Variants in SLC6A4 observed in about 807,000 individuals in gnomAD.
SLC6A4 encodes sodium-dependent serotonin transporter.
A neutral mutation model predicts 73.4 loss-of-function variants in SLC6A4; 22 were observed. That is an observed-to-expected ratio of 0.30 (90% CI 0.21 to 0.43). SLC6A4 has a LOEUF of 0.43. Ranked by LOEUF, SLC6A4 falls within the 20% of genes least tolerant of loss-of-function variation. The pLI, the probability that SLC6A4 is intolerant of heterozygous loss-of-function variation, is 1.00. For missense variants in SLC6A4, 593 were observed against 808.5 expected (o/e 0.73, Z 3.23); for synonymous variants, 270 against 315.5 (o/e 0.86, Z 1.53).
intron 14 of SLC6A4, among the ~76,000 whole-genome samples, chr17:30,201,915 C>T (rs183051373): frequency 1.0e-3 from 157 of 152,158 alleles, no homozygotes; most frequent in Non-Finnish European, 2.0e-3. Context: ...CCAGCCTGGG[C>T]AACATAGTGA....
In SLC6A4 at chr17:30,203,229, A is replaced by C; in HGVS notation, c.1761T>G (p.Ile587Met). The stretch of plus-strand genomic sequence containing the variant: ...GATAAGCTATATATGTGGGGATGCA[A>C]ATGAAAGATGAGGTTCCTATGCAGT... ...LGYCIGTSSF[I>M]CIPTYIAYRL... Residue 587 changes from isoleucine to methionine, a missense_variant, in exon 14 of 15, where the codon ATT (isoleucine) becomes ATG (methionine). By Grantham distance (10) the Ile-to-Met change is conservative. Coordinates refer to ENST00000650711, the MANE Select transcript of SLC6A4 (RefSeq NM_001045.6). The C allele has an allele frequency of 6.2e-7, 1 of 1,613,790 alleles. No homozygotes were observed. The highest frequency in any genetic ancestry group is 8.5e-7 in the Non-Finnish European group (1 of 1,179,684).
chr17:30,194,600 A>G lies in SLC6A4; in HGVS notation c.*3856T>C, dbSNP rs1905795259. 6.6e-6 allele frequency: 1 copy of G among 152,222 alleles called. No homozygotes were observed. Among genetic ancestry groups the G allele is most frequent in the African/African-American group, 2.4e-5 (1 of 41,470 alleles). The allele number at this position is 152,222 out of a possible 1,614,324, so 9.4% of individuals were successfully genotyped here. On this transcript the variant is annotated 3_prime_UTR_variant, in exon 15 of 15. Transcript: ENST00000650711. ...TTATCTTTTAAAATATGAATTTTTA[A>G]TATATCATTTTCTTAAGATAAAGTA...
At chr17:30,213,030 C>A (rs1408566457) in intron 8 of SLC6A4, among the ~76,000 whole-genome samples, 163 bp from the exon 9 acceptor site, 1 of 152,236 alleles carries the variant, frequency 6.6e-6, no homozygotes, top group Non-Finnish European at 1.5e-5. Context: ...CCTTCGCCTT[C>A]TCCCAGAACC....
At chr17:30,232,020 TGGTCCTTCCA>T (rs1028770929) in intron 1 of SLC6A4, among the ~76,000 whole-genome samples, 21 of 152,316 alleles carry the variant, frequency 1.4e-4, no homozygotes, top group African/African-American at 4.8e-4. Context: ...AACCCCTCCC[TGGTCCTTCCA>T]GGTCTCCCAC....
intron 8 of SLC6A4, among the ~76,000 whole-genome samples, chr17:30,213,302 C>CT (rs3034289): frequency 0.074 from 9,637 of 129,798 alleles, 462 homozygotes; most frequent in African/African-American, 0.1. Flanking sequence ...ATTTTTTTTT[C>CT]TTTTTTTTTT....
chr17:30,207,609 AG>A (rs1597634832), intron 13 of SLC6A4, 122 bp downstream of exon 13: 2 of 639,804 alleles, frequency 3.1e-6, no homozygotes, highest in East Asian at 5.8e-5. Context: ...CGCCTGCCTC[AG>A]ACTCCCAAAG....
At chr17:30,223,794 C>G (rs910347036) in intron 1 of SLC6A4, among the ~76,000 whole-genome samples, 1 of 152,000 alleles carries the variant, frequency 6.6e-6, no homozygotes, top group Non-Finnish European at 1.5e-5. Context: ...CTGACAAGAG[C>G]GGTCTCCATA....
At position 30,218,258 on chromosome 17, in the gene SLC6A4, G is replaced by A. The variant is rs200560535; in HGVS notation, c.558C>T (p.Tyr186=). ...YNTIMAWALY[Y]LISSFTDQLP... ...GCTGGTCCGTGAAGGAGGAGATGAG[G>A]TAGTATAGCGCCCAGGCCATGATGG... Residue 186 remains tyrosine, a synonymous_variant, in exon 5 of 15, where the codon TAC becomes TAT. Transcript: ENST00000650711. The A allele has an allele frequency of 1.8e-5, 29 of 1,614,118 alleles. No homozygotes were observed. The highest frequency in any genetic ancestry group is 2.5e-5 in the Non-Finnish European group (29 of 1,180,044).
At chr17:30,234,019 C>T (rs1763345526) in intron 1 of SLC6A4, among the ~76,000 whole-genome samples, 1 of 152,074 alleles carries the variant, frequency 6.6e-6, no homozygotes. Flanking sequence ...TAACCCCCCT[C>T]CAGCCAAGCA....
chr17:30,212,908 A>T, intron 8 of SLC6A4, 41 bp from the exon 9 acceptor site: 1 of 1,610,520 alleles, frequency 6.2e-7, no homozygotes, highest in South Asian at 1.1e-5. Flanking sequence ...GACAGTTCCA[A>T]GATCAGGGGT....
chr17:30,234,686 G>A (rs1422064943), intron 1 of SLC6A4, among the ~76,000 whole-genome samples: 4 of 152,110 alleles, frequency 2.6e-5, no homozygotes, highest in South Asian at 2.1e-4. Flanking sequence ...ATTTGCTCTC[G>A]TCTTCCTATG....
chr17:30,204,510 TC>T (rs2143013525), intron 13 of SLC6A4: 1 of 152,290 alleles, frequency 6.6e-6, no homozygotes, highest in African/African-American at 2.4e-5. Flanking sequence ...TTAGGAGCCA[TC>T]CCGGCTGCTT....
chr17:30,225,844 C>A (rs1457232846), intron 1 of SLC6A4, among the ~76,000 whole-genome samples: 2 of 152,206 alleles, frequency 1.3e-5, no homozygotes, highest in Non-Finnish European at 2.9e-5. Context: ...GAAGCTAATG[C>A]ACTCCATTCC....
intron 1 of SLC6A4, among the ~76,000 whole-genome samples, chr17:30,229,150 C>A (rs527951866): frequency 1.6e-4 from 25 of 152,308 alleles, no homozygotes; most frequent in African/African-American, 5.8e-4. Flanking sequence ...CAGTCATTTT[C>A]ATGGACTATG....
Position 30,211,109 on chromosome 17 carries a change from C to T in SLC6A4, c.1317+203G>A, listed in dbSNP as rs1430677956. Among the ~76,000 whole-genome samples the T allele has an allele frequency of 6.6e-6, 1 of 152,230 alleles. No homozygotes were observed. The highest frequency in any genetic ancestry group is 1.5e-5 in the Non-Finnish European group (1 of 68,044). ...CCTTGGGCCTCATAAGCGCCTGGCG[C>T]TTGACCCACTTTATCCCATTAATGA... is the stretch of plus-strand genomic sequence containing the variant. On this transcript the variant is annotated intron_variant, in intron 10 of 14. Coordinates refer to ENST00000650711, the MANE Select transcript of SLC6A4 (RefSeq NM_001045.6). This position sits in a 1 kb window ranked among gnomAD's most constrained non-coding sequence, Gnocchi z 4.0.
At chr17:30,215,049 T>G (rs1165058281) in intron 8 of SLC6A4, among the ~76,000 whole-genome samples, 1 of 151,198 alleles carries the variant, frequency 6.6e-6, no homozygotes, top group Admixed American at 6.6e-5. Context: ...CTTTCTTTAT[T>G]TCTCTCTCTC....
intron 1 of SLC6A4, among the ~76,000 whole-genome samples, chr17:30,225,958 C>T (rs1397999472): frequency 6.6e-6 from 1 of 152,188 alleles, no homozygotes; most frequent in Non-Finnish European, 1.5e-5. Flanking sequence ...CAGGAGCAAC[C>T]CGTACCTGAA....
intron 13 of SLC6A4, chr17:30,206,485 A>G (rs962405329): frequency 6.6e-6 from 1 of 152,112 alleles, no homozygotes; most frequent in Non-Finnish European, 1.5e-5. Context: ...GTCCTTTGGT[A>G]ATAAATGGAT....
intron 1 of SLC6A4, among the ~76,000 whole-genome samples, chr17:30,232,713 T>C (rs1907149520): frequency 6.6e-6 from 1 of 152,196 alleles, no homozygotes; most frequent in African/African-American, 2.4e-5. Flanking sequence ...GTCACCTCAT[T>C]AGACACAGGG....
Sources: allele counts gnomAD v4.1 joint callset (sites outside exome capture counted in the v4.1 genomes callset), GRCh38; gene constraint gnomAD v4.1.1; non-coding constraint Gnocchi (gnomAD v3.1); transcripts MANE v1.5; gene names NCBI Gene and HGNC (gene_info 2026-07-23, HGNC 2026-07-21).